Variants in KLF12 observed in about 807,000 individuals in gnomAD.
KLF12 encodes Krueppel-like factor 12.
Under a neutral mutation model 37.8 loss-of-function variants are expected in KLF12, and 9 were observed. The observed-to-expected ratio is 0.24, with a 90% CI of 0.14 to 0.42. The LOEUF (loss-of-function observed/expected upper bound fraction) is 0.42, where lower values mean the gene tolerates loss of function less well. Ranked by LOEUF, KLF12 falls within the 10% of genes least tolerant of loss-of-function variation. The pLI is 1.00. For missense variants in KLF12, 411 were observed against 516.0 expected (o/e 0.80, Z 1.97); for synonymous variants, 208 against 202.1 (o/e 1.03, Z -0.25).
chr13:74,211,893 A>G, the KLF12 span, among the ~76,000 whole-genome samples: 1 of 152,194 alleles, frequency 6.6e-6, no homozygotes, highest in African/African-American at 2.4e-5. Context: ...TTTAAAACAT[A>G]AAATTGTGAC....
intron 3 of KLF12, among the ~76,000 whole-genome samples, chr13:73,890,080 G>A (rs184061510): frequency 5.9e-5 from 9 of 152,132 alleles, no homozygotes; most frequent in Admixed American, 2.0e-4. Context: ...CAAGAACACC[G>A]TCTTTAAACA....
At chr13:74,127,942 A>G (rs1878035542) in intron 1 of KLF12, among the ~76,000 whole-genome samples, 1 of 152,166 alleles carries the variant, frequency 6.6e-6, no homozygotes, top group African/African-American at 2.4e-5. Context: ...AAATTTAATA[A>G]TTCTATTTTT....
At chr13:74,201,508 A>G in the KLF12 span, among the ~76,000 whole-genome samples, 1 of 152,110 alleles carries the variant, frequency 6.6e-6, no homozygotes, top group African/African-American at 2.4e-5. Context: ...TATTCCCAAT[A>G]AGCTCTTCCC....
At chr13:74,166,003 T>A in the KLF12 span, among the ~76,000 whole-genome samples, 10 of 151,634 alleles carry the variant, frequency 6.6e-5, no homozygotes, top group Admixed American at 5.3e-4. Flanking sequence ...CTATTATGTA[T>A]AAAATCTGGA....
chr13:73,721,503 A>G (rs771697967), intron 6 of KLF12, among the ~76,000 whole-genome samples: 17 of 152,230 alleles, frequency 1.1e-4, no homozygotes, highest in Non-Finnish European at 2.1e-4. Context: ...ATGGGCATTC[A>G]GTACACTTAC....
At chr13:73,963,284 TACACACACACACACACAC>T (rs10543490) in intron 2 of KLF12, among the ~76,000 whole-genome samples, 2 of 145,272 alleles carry the variant, frequency 1.4e-5, no homozygotes, top group South Asian at 2.3e-4. Flanking sequence ...GAGTCATTTA[TACACACACACACACACAC>T]ACACACACAC....
At chr13:73,702,377 C>CCAA (rs1874623669) in intron 7 of KLF12, among the ~76,000 whole-genome samples, 1 of 152,036 alleles carries the variant, frequency 6.6e-6, no homozygotes, top group Admixed American at 6.6e-5. Flanking sequence ...CAAAACCCAC[C>CCAA]AAACAAAAAT....
At chr13:73,720,705 C>T (rs1876175876) in intron 6 of KLF12, among the ~76,000 whole-genome samples, 1 of 152,100 alleles carries the variant, frequency 6.6e-6, no homozygotes, top group Non-Finnish European at 1.5e-5. Flanking sequence ...TAGAATTAAA[C>T]CCAGAGAGGC....
intron 6 of KLF12, among the ~76,000 whole-genome samples, chr13:73,764,274 A>C (rs893803243): frequency 4.6e-5 from 7 of 152,110 alleles, no homozygotes; most frequent in African/African-American, 1.7e-4. Flanking sequence ...GGAATGGAGT[A>C]ATATAAACAA....
At chr13:73,813,814 C>A (rs913555072) in intron 4 of KLF12, among the ~76,000 whole-genome samples, 6 of 152,186 alleles carry the variant, frequency 3.9e-5, no homozygotes, top group African/African-American at 7.2e-5. Context: ...TTTCCAAGTT[C>A]ATTACTACTA....
intron 1 of KLF12, among the ~76,000 whole-genome samples, chr13:74,127,626 G>A (rs919049410): frequency 6.6e-6 from 1 of 152,208 alleles, no homozygotes; most frequent in African/African-American, 2.4e-5. Context: ...CTTTGCTCTT[G>A]CAAGGGTTTA....
chr13:74,291,675 G>A, the KLF12 span, among the ~76,000 whole-genome samples: 1 of 152,208 alleles, frequency 6.6e-6, no homozygotes, highest in East Asian at 1.9e-4. Flanking sequence ...GTAGGAGAAT[G>A]AGATGAGAAA....
At chr13:73,955,595 T>TA (rs540582359) in intron 2 of KLF12, among the ~76,000 whole-genome samples, 2 of 152,212 alleles carry the variant, frequency 1.3e-5, no homozygotes, top group South Asian at 4.1e-4. Flanking sequence ...TAGTGCTTCC[T>TA]AGCAAGCAAA....
chr13:74,184,579 T>A, the KLF12 span, among the ~76,000 whole-genome samples: 1 of 152,240 alleles, frequency 6.6e-6, no homozygotes. Flanking sequence ...ATGAGAATTT[T>A]CTCCAGCAAA....
chr13:73,698,362 C>T (rs896163587), intron 7 of KLF12, among the ~76,000 whole-genome samples: 1 of 152,070 alleles, frequency 6.6e-6, no homozygotes, highest in East Asian at 1.9e-4. Context: ...ATGTGAGAGG[C>T]TGGTAGCAAG....
Position 73,969,111 on chromosome 13 carries a change from T to C in KLF12, c.34-25041A>G, listed in dbSNP as rs141113537. ...TGGGAGGAATACTAATCCAAGAGCATGCTGGGTGGGTGCTGCATCAGGAGG... is the reference window on the plus strand; with the variant it reads ...TGGGAGGAATACTAATCCAAGAGCACGCTGGGTGGGTGCTGCATCAGGAGG... On this transcript the variant is annotated intron_variant, in intron 2 of 7. Transcript: ENST00000377669. Among the ~76,000 whole-genome samples, 24 of 151,608 alleles carry C rather than the reference T, an allele frequency of 1.6e-4. No homozygotes were observed. The East Asian group carries it at 3.5e-3, about 22-fold the overall frequency.
At chr13:73,890,974 A>C (rs934163210) in intron 3 of KLF12, among the ~76,000 whole-genome samples, 5 of 152,140 alleles carry the variant, frequency 3.3e-5, no homozygotes, top group Non-Finnish European at 7.4e-5. Context: ...TTGCCTTTTG[A>C]AAATGGTTTC....
chr13:73,789,901 C>T (rs1437247808), intron 5 of KLF12, among the ~76,000 whole-genome samples: 1 of 152,160 alleles, frequency 6.6e-6, no homozygotes, highest in Non-Finnish European at 1.5e-5. Flanking sequence ...TGGTCTCGAT[C>T]TCCTGACCTT....
intron 4 of KLF12, among the ~76,000 whole-genome samples, chr13:73,831,669 C>T (rs147523206): frequency 7.2e-5 from 11 of 152,276 alleles, no homozygotes; most frequent in South Asian, 2.1e-4. Context: ...ATAATTTTGA[C>T]GTTTTCTTTG....
Sources: allele counts gnomAD v4.1 joint callset (sites outside exome capture counted in the v4.1 genomes callset), GRCh38; gene constraint gnomAD v4.1.1; transcripts MANE v1.5; gene names NCBI Gene and HGNC (gene_info 2026-07-23, HGNC 2026-07-21).